Variants in GAB1 observed in about 807,000 individuals in gnomAD.
GAB1 encodes the protein GRB2-associated-binding protein 1.
GAB1 carries 19 observed loss-of-function variants against 66.5 expected under a neutral mutation model. The observed-to-expected ratio is 0.29, with a 90% confidence interval of 0.20 to 0.42. GAB1 has a LOEUF of 0.42. GAB1 is among the 10% of genes least tolerant of loss of function. The probability of loss-of-function intolerance (pLI) is 1.00; values close to 1 mark genes in which losing one functional copy is unlikely to be tolerated. For synonymous variants in GAB1, 294 were observed against 301.4 expected (o/e 0.98, Z 0.25); for missense variants, 732 against 858.5 (o/e 0.85, Z 1.84).
chr4:143,463,509 G>T (rs1047006024), intron 8 of GAB1, among the ~76,000 whole-genome samples: 1 of 151,198 alleles, frequency 6.6e-6, no homozygotes, highest in Non-Finnish European at 1.5e-5. Flanking sequence ...TGTAATCCCA[G>T]TTACTCGGGA....
At position 143,471,580 on chromosome 4, in the gene GAB1, A is replaced by C. The variant is rs1482186087; in HGVS notation, c.*2391A>C. 1 of 152,210 alleles carries C rather than the reference A, an allele frequency of 6.6e-6. No homozygotes were observed. Among genetic ancestry groups the C allele is most frequent in the Non-Finnish European group, 1.5e-5 (1 of 68,024 alleles). 9.4% of individuals were successfully genotyped at this position (152,210 alleles called of 1,614,324 possible). ...AGATTCTGAGTTATTTCTGAATAACACAAATGTGGAGTTATACATAGTTGA... is the reference window on the plus strand; with the variant it reads ...AGATTCTGAGTTATTTCTGAATAACCCAAATGTGGAGTTATACATAGTTGA... On this transcript the variant is annotated 3_prime_UTR_variant, in exon 10 of 10. Transcript: ENST00000262994.
At chr4:143,394,312 G>A (rs1388449446) in intron 1 of GAB1, among the ~76,000 whole-genome samples, 1 of 152,054 alleles carries the variant, frequency 6.6e-6, no homozygotes, top group Non-Finnish European at 1.5e-5. Flanking sequence ...CAGCAGAAGA[G>A]GAGAAAGATT....
chr4:143,339,714 AGTG>A (rs1402274811), intron 1 of GAB1, among the ~76,000 whole-genome samples: 2 of 152,104 alleles, frequency 1.3e-5, no homozygotes, highest in African/African-American at 4.8e-5. Flanking sequence ...AACAGTGCAA[AGTG>A]GTATATGACT....
chr4:143,355,430 CAA>C (rs1225453061), intron 1 of GAB1, among the ~76,000 whole-genome samples: 3,196 of 88,564 alleles, frequency 0.036, 109 homozygotes, highest in African/African-American at 0.14. Context: ...GTGTTTAAAA[CAA>C]AACAACAACA....
At chr4:143,384,064 C>T (rs11944459) in intron 1 of GAB1, among the ~76,000 whole-genome samples, 2,305 of 151,868 alleles carry the variant, frequency 0.015, 57 homozygotes, top group African/African-American at 0.053. Flanking sequence ...CAGAGCAAGA[C>T]CTTGTCTCTA....
At chr4:143,424,776 G>A (rs1182462393) in intron 2 of GAB1, 3 of 261,360 alleles carry the variant, frequency 1.1e-5, no homozygotes, top group Non-Finnish European at 2.2e-5. Flanking sequence ...CCAACATGGT[G>A]AAACCCTGTC....
At chr4:143,396,670 A>T (rs1419311976) in intron 1 of GAB1, among the ~76,000 whole-genome samples, 3 of 152,230 alleles carry the variant, frequency 2.0e-5, no homozygotes, top group Non-Finnish European at 2.9e-5. Flanking sequence ...CAGTGTCCTG[A>T]TAAGAGACTG....
chr4:143,353,942 G>A (rs1315752479), intron 1 of GAB1, among the ~76,000 whole-genome samples: 4 of 152,138 alleles, frequency 2.6e-5, no homozygotes, highest in African/African-American at 9.7e-5. Context: ...TATCTGCTTT[G>A]TAAGTGTTGA....
At chr4:143,438,633 G>T (rs775653963) in intron 4 of GAB1, 33 bp downstream of exon 4, 10 of 1,574,174 alleles carry the variant, frequency 6.4e-6, no homozygotes, top group African/African-American at 1.4e-5. Flanking sequence ...TCTATTAGAG[G>T]TTAATGATAG....
At chr4:143,391,475 A>G (rs968567482) in intron 1 of GAB1, 12 of 152,224 alleles carry the variant, frequency 7.9e-5, no homozygotes, top group African/African-American at 2.2e-4. Context: ...AAGGCTTACT[A>G]CAGTTAGATA....
At chr4:143,424,940 C>A in intron 2 of GAB1, 1 of 562,448 alleles carries the variant, frequency 1.8e-6, no homozygotes, top group Non-Finnish European at 3.1e-6. Flanking sequence ...GGTGGCAGAG[C>A]GAGACTCCGA....
chr4:143,405,915 C>G lies in GAB1; in HGVS notation c.73-9562C>G, dbSNP rs577110155. ...GAAAAGATGAGTTTCTTGCCATGAT[C>G]TCTCAGTATTTTGGGAATTTTGCAA... On this transcript the variant is annotated intron_variant, in intron 1 of 9. Transcript: ENST00000262994. 2.0e-5 allele frequency among the ~76,000 whole-genome samples: 3 copies of G among 152,032 alleles called. No homozygotes were observed. In the East Asian group the frequency reaches 5.8e-4, roughly 29 times the overall value.
chr4:143,413,382 C>T (rs1732497858), intron 1 of GAB1, among the ~76,000 whole-genome samples: 1 of 152,130 alleles, frequency 6.6e-6, no homozygotes, highest in African/African-American at 2.4e-5. Context: ...GAATCCAACA[C>T]TTTATGACTT....
intron 1 of GAB1, among the ~76,000 whole-genome samples, chr4:143,394,144 C>T (rs868801108): frequency 1.4e-4 from 21 of 152,146 alleles, no homozygotes; most frequent in Middle Eastern, 3.4e-3. Flanking sequence ...CATGGTGGCA[C>T]GTGCCTGTAG....
intron 1 of GAB1, among the ~76,000 whole-genome samples, chr4:143,364,023 A>C (rs1027789311): frequency 6.6e-6 from 1 of 152,090 alleles, no homozygotes; most frequent in African/African-American, 2.4e-5. Context: ...CCCCATCTCT[A>C]CTAAAAATAC....
At chr4:143,434,252 A>T in intron 3 of GAB1, 1 of 522,204 alleles carries the variant, frequency 1.9e-6, no homozygotes, top group Non-Finnish European at 3.0e-6. Context: ...CATGGAATAT[A>T]CAAATTGGAT....
At chr4:143,371,131 T>C (rs1375072601) in intron 1 of GAB1, among the ~76,000 whole-genome samples, 1 of 152,086 alleles carries the variant, frequency 6.6e-6, no homozygotes, top group East Asian at 1.9e-4. Flanking sequence ...CACACTGACT[T>C]CCACAATGGT....
chr4:143,472,115 GA>G lies in GAB1; in HGVS notation c.*2931del, dbSNP rs1368689142. 1 of 152,116 alleles carries G rather than the reference GA, an allele frequency of 6.6e-6. No individual in the cohort carries two copies. The highest frequency in any genetic ancestry group is 1.9e-4 in the East Asian group (1 of 5,194). 9.4% of individuals were successfully genotyped at this position (152,116 alleles called of 1,614,324 possible). ...CTTTCAAAAATTAAAATTCAAACTT[GA>G]AAAAGCTGTTTAACCCATGGAAGAT... On this transcript the variant is annotated 3_prime_UTR_variant, in exon 10 of 10. Transcript: ENST00000262994.
intron 1 of GAB1, among the ~76,000 whole-genome samples, chr4:143,394,298 T>C (rs1731331899): frequency 3.3e-5 from 5 of 151,534 alleles, no homozygotes; most frequent in Admixed American, 3.3e-4. Flanking sequence ...AAAAAAAAGG[T>C]AGTCAGCAGA....
Sources: gnomAD v4.1 joint callset for allele counts (sites outside exome capture counted in the v4.1 genomes callset) on GRCh38, gnomAD v4.1.1 for gene constraint, MANE v1.5 for transcripts, NCBI Gene and HGNC (gene_info 2026-07-23, HGNC 2026-07-21) for gene names.